The following MAPRE2 variants were observed in gnomAD, a reference collection of about 807,000 sequenced individuals.
MAPRE2 encodes the protein microtubule associated protein RP/EB family member 2, also known as microtubule-associated protein RP/EB family member 2.
In MAPRE2, 13 loss-of-function variants were observed where a neutral mutation model predicts 43.2. That is an observed-to-expected ratio of 0.30 (90% CI 0.20 to 0.48). The LOEUF (loss-of-function observed/expected upper bound fraction) is 0.48, where lower values mean the gene tolerates loss of function less well. Ranked by LOEUF, MAPRE2 falls within the 20% of genes least tolerant of loss-of-function variation. The pLI, the probability that MAPRE2 is intolerant of heterozygous loss-of-function variation, is 0.99. For missense variants in MAPRE2, 161 were observed against 400.2 expected (o/e 0.40, Z 5.10); for synonymous variants, 135 against 148.8 (o/e 0.91, Z 0.68).
chr18:35,090,553 G>A (rs957235115), intron 2 of MAPRE2, among the ~76,000 whole-genome samples: 1 of 152,006 alleles, frequency 6.6e-6, no homozygotes. Context: ...CCAACATGGT[G>A]AAACCCTGTC....
intron 4 of MAPRE2, 57 bp downstream of exon 4, chr18:35,102,216 C>T (rs1423947349): frequency 3.1e-6 from 4 of 1,299,858 alleles, no homozygotes; most frequent in African/African-American, 1.5e-5. Context: ...GGCTCAGACC[C>T]TTCTGTTATT....
chr18:34,978,507 G>A, intron 1 of MAPRE2: 1 of 1,551,550 alleles, frequency 6.4e-7, no homozygotes, highest in Non-Finnish European at 8.7e-7. Flanking sequence ...TGCTGAATAG[G>A]ACACTGTGGA....
intron 1 of MAPRE2, among the ~76,000 whole-genome samples, chr18:35,058,714 T>C (rs1906368886): frequency 6.6e-6 from 1 of 152,194 alleles, no homozygotes; most frequent in Non-Finnish European, 1.5e-5. Flanking sequence ...ATTTTGAGCT[T>C]TTCTTCACAG....
chr18:34,981,349 G>A (rs2097016109), intron 1 of MAPRE2, among the ~76,000 whole-genome samples: 1 of 151,596 alleles, frequency 6.6e-6, no homozygotes, highest in Non-Finnish European at 1.5e-5. Context: ...CTGCACTCCA[G>A]CCTGGGGGAC....
At chr18:35,028,405 T>C (rs1191695583) in intron 2 of MAPRE2, among the ~76,000 whole-genome samples, 1 of 152,214 alleles carries the variant, frequency 6.6e-6, no homozygotes, top group Non-Finnish European at 1.5e-5. Flanking sequence ...ATCAAAACCA[T>C]GAACTCTGAA....
At position 35,033,451 on chromosome 18, in the gene MAPRE2, C is replaced by T. The variant is rs891250410; in HGVS notation, c.-8+27898C>T. 1.3e-3 allele frequency among the ~76,000 whole-genome samples: 201 copies of T among 148,994 alleles called. 2 individuals carry two copies. The highest frequency in any genetic ancestry group is 2.3e-3 in the Admixed American group (35 of 15,000). ...GAAGCATTCCCTTTGAAAACTGGCA[C>T]AAGACAGGGATGCCCTCTCTCACCA... On this transcript the variant is annotated intron_variant, in intron 2 of 7. Coordinates refer to the MAPRE2 transcript ENST00000413393.
intron 1 of MAPRE2, among the ~76,000 whole-genome samples, chr18:35,002,112 C>T (rs1376237966): frequency 6.6e-6 from 1 of 152,196 alleles, no homozygotes; most frequent in Admixed American, 6.5e-5. Context: ...CTCCTCTTAA[C>T]CCCTGGCAAC....
chr18:35,132,202 G>C lies in MAPRE2; in HGVS notation c.909+12G>C. 6.2e-7 allele frequency: 1 copy of C among 1,613,270 alleles called. No individual in the cohort carries two copies. The highest frequency in any genetic ancestry group is 8.5e-7 in the Non-Finnish European group (1 of 1,179,422). Reference sequence around the variant, plus strand: ...CTTCAGAAGAACACGTAAGTGTGAGGAGCATGTGACTCCTGTGTTCTAAAA... The same window carrying C: ...CTTCAGAAGAACACGTAAGTGTGAGCAGCATGTGACTCCTGTGTTCTAAAA... On this transcript the variant is annotated intron_variant, in intron 6 of 6. Coordinates refer to ENST00000300249, the MANE Select transcript of MAPRE2 (RefSeq NM_014268.4).
chr18:35,074,077 A>C (rs2050270081), intron 2 of MAPRE2, among the ~76,000 whole-genome samples: 1 of 152,218 alleles, frequency 6.6e-6, no homozygotes. Flanking sequence ...GAGCTATATA[A>C]ATGGAGAGTG....
chr18:35,140,608 TCAC>T lies in MAPRE2; in HGVS notation c.*243_*245del. On this transcript the variant is annotated 3_prime_UTR_variant, in exon 7 of 7. Transcript: ENST00000300249. ...ATCGTAGGGTCACATACATCCAACTTCACCACTTGGCTGCTTGAGATTGGTTCT... is the reference window on the plus strand; with the variant it reads ...ATCGTAGGGTCACATACATCCAACTTCACTTGGCTGCTTGAGATTGGTTCT... 2 of 488,206 alleles carry T rather than the reference TCAC, an allele frequency of 4.1e-6. No homozygotes were observed. Among genetic ancestry groups the T allele is most frequent in the Non-Finnish European group, 7.3e-6 (2 of 272,908 alleles). The allele number at this position is 488,206 out of a possible 1,614,324, so 30.2% of individuals were successfully genotyped here. A position where few individuals can be genotyped will look rare whatever the true frequency, so the allele number is the denominator to read the frequency against.
intron 2 of MAPRE2, among the ~76,000 whole-genome samples, chr18:35,025,957 G>A (rs2097044892): frequency 2.0e-5 from 3 of 152,120 alleles, no homozygotes; most frequent in Non-Finnish European, 2.9e-5. Flanking sequence ...AGTTTCTAAA[G>A]GTAGTTAGGT....
intron 2 of MAPRE2, among the ~76,000 whole-genome samples, chr18:35,016,443 CT>C (rs2097038311): frequency 6.6e-6 from 1 of 151,978 alleles, no homozygotes; most frequent in Admixed American, 6.6e-5. Context: ...TAAGCATTCC[CT>C]TTTCTCGACA....
intron 4 of MAPRE2, among the ~76,000 whole-genome samples, chr18:35,122,731 T>C (rs1309891888): frequency 1.3e-5 from 2 of 152,184 alleles, no homozygotes; most frequent in African/African-American, 4.8e-5. Flanking sequence ...TGCACCTCTC[T>C]CATCTCAAAG....
At chr18:35,014,386 AT>A (rs368732245) in intron 2 of MAPRE2, among the ~76,000 whole-genome samples, 3,269 of 139,574 alleles carry the variant, frequency 0.023, 61 homozygotes, top group African/African-American at 0.057. Flanking sequence ...GGGCAGGGTG[AT>A]TTTTTTTTTT....
At chr18:34,996,042 G>C (rs1379967875) in intron 1 of MAPRE2, among the ~76,000 whole-genome samples, 1 of 152,182 alleles carries the variant, frequency 6.6e-6, no homozygotes, top group Non-Finnish European at 1.5e-5. Flanking sequence ...GAACCTGATA[G>C]TTAAAATGCT....
intron 2 of MAPRE2, among the ~76,000 whole-genome samples, chr18:35,023,947 C>T (rs904036388): frequency 6.6e-6 from 1 of 151,942 alleles, no homozygotes; most frequent in Non-Finnish European, 1.5e-5. Context: ...AAGTATGTAC[C>T]GTAATAAGAA....
rs9962422 is a variant in MAPRE2 at position 35,019,122 on chromosome 18, C to A, written c.-8+13569C>A. Among the ~76,000 whole-genome samples, 1,073 of 151,918 alleles carry A rather than the reference C, an allele frequency of 7.1e-3. 12 individuals carry two copies. The highest frequency in any genetic ancestry group is 0.024 in the African/African-American group (1,007 of 41,496). On this transcript the variant is annotated intron_variant, in intron 2 of 7. Transcript: ENST00000413393. ...TATTAGGGAGCAAGTTGTTTAACTT[C>A]CATATTATGTACCTTTGAGGAGTCT...
At chr18:35,001,479 A>G (rs1426360571) in intron 1 of MAPRE2, among the ~76,000 whole-genome samples, 2 of 150,384 alleles carry the variant, frequency 1.3e-5, no homozygotes, top group African/African-American at 4.9e-5. Flanking sequence ...GAGCCATTGC[A>G]CTCCAGCCTG....
At chr18:34,996,792 C>G (rs2097026726) in intron 1 of MAPRE2, among the ~76,000 whole-genome samples, 1 of 152,106 alleles carries the variant, frequency 6.6e-6, no homozygotes. Context: ...AAATGTGGTG[C>G]CCTGTTGCTT....
Sources: allele counts gnomAD v4.1 joint callset (sites outside exome capture counted in the v4.1 genomes callset), GRCh38; gene constraint gnomAD v4.1.1; transcripts MANE v1.5; gene names NCBI Gene and HGNC (gene_info 2026-07-23, HGNC 2026-07-21).